Variants in PDE1C observed in about 807,000 individuals in gnomAD.
The protein encoded by PDE1C is dual specificity calcium/calmodulin-dependent 3',5'-cyclic nucleotide phosphodiesterase 1C.
PDE1C carries 62 observed loss-of-function variants against 93.1 expected under a neutral mutation model. That is an observed-to-expected ratio of 0.67 (90% CI 0.54 to 0.82). The LOEUF (loss-of-function observed/expected upper bound fraction) is 0.82. Ranked by LOEUF, PDE1C falls within the 40% of genes least tolerant of loss-of-function variation. PDE1C has a pLI of 0.00. For missense variants in PDE1C, 742 were observed against 884.6 expected, an observed-to-expected ratio of 0.84 and a Z score of 2.04; for synonymous variants, 325 against 310.1, an observed-to-expected ratio of 1.05 and a Z score of -0.50.
the PDE1C span, among the ~76,000 whole-genome samples, chr7:31,625,829 A>AAAT: frequency 6.8e-6 from 1 of 147,910 alleles, no homozygotes; most frequent in Admixed American, 6.7e-5. Flanking sequence ...CTTTTTTTTT[A>AAAT]AATTTTTTCT....
rs772085528 is a variant in PDE1C at position 31,972,145 on chromosome 7, C to G, written c.128+79409G>C. On this transcript the variant is annotated intron_variant, in intron 2 of 17. Coordinates refer to ENST00000396191, the MANE Select transcript of PDE1C (RefSeq NM_001191057.4). ...CAATGCTTTACAAATCACTTATTTG[C>G]CAATGATAATTTAAACTGTACTGGT... Among the ~76,000 whole-genome samples the G allele has an allele frequency of 1.2e-3, 178 of 152,202 alleles. 3 individuals carry two copies. Among genetic ancestry groups the G allele is most frequent in the Middle Eastern group, 3.4e-3 (1 of 294 alleles).
chr7:31,808,967 T>G, intron 16 of PDE1C, 64 bp downstream of exon 16: 3 of 937,500 alleles, frequency 3.2e-6, no homozygotes, highest in Non-Finnish European at 3.5e-6. Flanking sequence ...TTGGGTATGA[T>G]TCTAACAAGC....
intron 7 of PDE1C, among the ~76,000 whole-genome samples, chr7:31,860,227 A>C (rs537418565): frequency 6.6e-6 from 1 of 152,210 alleles, no homozygotes; most frequent in Non-Finnish European, 1.5e-5. Flanking sequence ...TTATTTGGCA[A>C]GGTCTGGAGA....
At chr7:31,936,991 T>C (rs1805174662) in intron 2 of PDE1C, among the ~76,000 whole-genome samples, 1 of 152,142 alleles carries the variant, frequency 6.6e-6, no homozygotes, top group South Asian at 2.1e-4. Flanking sequence ...CATCTCCAAA[T>C]GGGCAGGTTG....
chr7:32,207,033 A>C (rs964308723), intron 2 of PDE1C, among the ~76,000 whole-genome samples: 3 of 152,168 alleles, frequency 2.0e-5, no homozygotes, highest in Non-Finnish European at 4.4e-5. Context: ...TGCTAGGCAG[A>C]TGCTCTAACT....
Position 31,885,557 on chromosome 7 carries a change from C to T in PDE1C, c.129-4697G>A, listed in dbSNP as rs562406012. Among the ~76,000 whole-genome samples the T allele has an allele frequency of 1.1e-4, 17 of 152,292 alleles. No individual in the cohort carries two copies. The South Asian group carries it at 3.3e-3, about 30-fold the overall frequency. Reference sequence around the variant, plus strand: ...GTTCCCTGTGCCCTCAGATCCAGAGCGAGCCCTGGATGCTGACTTCCCCTG... The same window carrying T: ...GTTCCCTGTGCCCTCAGATCCAGAGTGAGCCCTGGATGCTGACTTCCCCTG... On this transcript the variant is annotated intron_variant, in intron 2 of 17. Coordinates refer to ENST00000396191, the MANE Select transcript of PDE1C (RefSeq NM_001191057.4).
chr7:32,162,157 A>T (rs1379643480), intron 3 of PDE1C, among the ~76,000 whole-genome samples: 2 of 152,170 alleles, frequency 1.3e-5, no homozygotes, highest in Admixed American at 6.5e-5. Flanking sequence ...TTTAATCTCA[A>T]TGCTTCCACA....
rs752670584 is a variant in PDE1C at position 31,847,964 on chromosome 7, T to G, written c.980+4A>C. 1.9e-6 allele frequency: 3 copies of G among 1,612,386 alleles called. No individual in the cohort carries two copies. The highest frequency in any genetic ancestry group is 2.5e-6 in the Non-Finnish European group (3 of 1,179,262). ...TACAAATCTCTCTCTTTTCTCATCC[T>G]TACCTCCAGTCATCCTTTGAGAGGT... On this transcript the variant is annotated splice_donor_region_variant and intron_variant, in intron 9 of 17. Coordinates refer to ENST00000396191, the MANE Select transcript of PDE1C (RefSeq NM_001191057.4).
intron 2 of PDE1C, among the ~76,000 whole-genome samples, chr7:31,993,341 G>C (rs911739086): frequency 1.3e-5 from 2 of 152,128 alleles, no homozygotes; most frequent in African/African-American, 4.8e-5. Context: ...AGCATTCTGG[G>C]ATAAGCAAAG....
intron 3 of PDE1C, among the ~76,000 whole-genome samples, chr7:32,135,014 C>A (rs1306317623): frequency 6.6e-6 from 1 of 152,044 alleles, no homozygotes; most frequent in Non-Finnish European, 1.5e-5. Flanking sequence ...GATTTGACAG[C>A]ATGGGAATTG....
chr7:32,142,757 G>T (rs1164154428), intron 3 of PDE1C, among the ~76,000 whole-genome samples: 1 of 152,158 alleles, frequency 6.6e-6, no homozygotes, highest in Non-Finnish European at 1.5e-5. Context: ...GTCCCCGGTT[G>T]GAGGTAGCCC....
chr7:32,136,398 G>A (rs963683704), intron 3 of PDE1C, among the ~76,000 whole-genome samples: 8 of 152,014 alleles, frequency 5.3e-5, no homozygotes, highest in African/African-American at 1.9e-4. Flanking sequence ...CTGGAGTGCA[G>A]TGGTGCGATC....
intron 1 of PDE1C, among the ~76,000 whole-genome samples, chr7:32,323,447 T>A (rs760118741): frequency 4.6e-5 from 7 of 152,108 alleles, no homozygotes; most frequent in Non-Finnish European, 8.8e-5. Flanking sequence ...GCAGTGTGAA[T>A]CAGAAACTGA....
chr7:31,677,477 T>C, the PDE1C span, among the ~76,000 whole-genome samples: 50 of 152,282 alleles, frequency 3.3e-4, no homozygotes, highest in Non-Finnish European at 5.7e-4. Context: ...CCCAGACATA[T>C]AAAGTGTGTT....
At chr7:31,895,576 T>C (rs1316845976) in intron 2 of PDE1C, among the ~76,000 whole-genome samples, 1 of 84,846 alleles carries the variant, frequency 1.2e-5, no homozygotes, top group Non-Finnish European at 2.3e-5. Flanking sequence ...TTAGTTTCTC[T>C]CTTTTCTCTC....
chr7:32,062,556 T>C (rs900906902), intron 1 of PDE1C, among the ~76,000 whole-genome samples: 2 of 152,226 alleles, frequency 1.3e-5, no homozygotes, highest in African/African-American at 4.8e-5. Flanking sequence ...TCTTCATGTC[T>C]CAGCATGCGT....
At chr7:32,116,831 G>A (rs1449769448) in intron 3 of PDE1C, among the ~76,000 whole-genome samples, 1 of 152,130 alleles carries the variant, frequency 6.6e-6, no homozygotes, top group Non-Finnish European at 1.5e-5. Flanking sequence ...TAAAGCTTAT[G>A]TCCCTTATAA....
intron 2 of PDE1C, among the ~76,000 whole-genome samples, chr7:31,886,866 A>ATTCAGAATAGATCTT (rs1797997196): frequency 3.4e-5 from 2 of 59,010 alleles, no homozygotes; most frequent in African/African-American, 1.1e-4. Flanking sequence ...GAATAGATCT[A>ATTCAGAATAGATCTT]TTCGGATCTA....
intron 1 of PDE1C, among the ~76,000 whole-genome samples, chr7:32,334,982 T>C (rs1016330309): frequency 6.6e-6 from 1 of 152,176 alleles, no homozygotes; most frequent in Admixed American, 6.5e-5. Context: ...TTGGCAGAAA[T>C]CTAAGCAAAG....
Sources: gnomAD v4.1 joint callset for allele counts (sites outside exome capture counted in the v4.1 genomes callset) on GRCh38, gnomAD v4.1.1 for gene constraint, MANE v1.5 for transcripts, NCBI Gene and HGNC (gene_info 2026-07-23, HGNC 2026-07-21) for gene names.